Variants in SLIT1 observed in about 807,000 individuals in gnomAD.
The protein encoded by SLIT1 is slit homolog 1 protein.
In SLIT1, 66 loss-of-function variants were observed where a neutral mutation model predicts 186.1. The ratio of observed to expected loss-of-function variants is 0.35; its 90% CI spans 0.29 to 0.44. The LOEUF (loss-of-function observed/expected upper bound fraction) is 0.44, where lower values mean the gene tolerates loss of function less well. Ranked by LOEUF, SLIT1 falls within the 20% of genes least tolerant of loss-of-function variation. The pLI is 1.00. For missense variants in SLIT1, 1,638 were observed against 2,037.4 expected (o/e 0.80, Z 3.77); for synonymous variants, 761 against 833.8 (o/e 0.91, Z 1.50).
At chr10:97,066,966 C>T (rs1428117752) in intron 4 of SLIT1, among the ~76,000 whole-genome samples, 2 of 151,814 alleles carry the variant, frequency 1.3e-5, no homozygotes, top group Non-Finnish European at 1.5e-5. Flanking sequence ...GTGGTGGGTG[C>T]GCCTGGGGCT....
chr10:97,152,137 C>T (rs924506849), intron 4 of SLIT1, among the ~76,000 whole-genome samples: 1 of 152,192 alleles, frequency 6.6e-6, no homozygotes, highest in African/African-American at 2.4e-5. Flanking sequence ...GAAAGCATAT[C>T]TCCCACATCC....
chr10:97,028,938 C>T (rs1848568493), intron 25 of SLIT1, among the ~76,000 whole-genome samples: 1 of 152,198 alleles, frequency 6.6e-6, no homozygotes, highest in Non-Finnish European at 1.5e-5. Flanking sequence ...CCTTACCCCT[C>T]CCACTTCCAT....
At chr10:97,023,663 C>A (rs889063657) in intron 25 of SLIT1, among the ~76,000 whole-genome samples, 1 of 152,172 alleles carries the variant, frequency 6.6e-6, no homozygotes, top group Non-Finnish European at 1.5e-5. Flanking sequence ...AGAATTCCGG[C>A]CGGGTGAGGT....
Position 97,046,632 on chromosome 10 carries a change from C to T in SLIT1, c.1853+22G>A, listed in dbSNP as rs912963434. On this transcript the variant is annotated intron_variant, in intron 18 of 36. Transcript: ENST00000266058. ...TGCCTCCTGCAGCTGGCCCACCCTGCTCCCCAGCCCTGCACACTCACAGGG... is the reference window on the plus strand; with the variant it reads ...TGCCTCCTGCAGCTGGCCCACCCTGTTCCCCAGCCCTGCACACTCACAGGG... 6 of 1,581,818 alleles carry T rather than the reference C, an allele frequency of 3.8e-6. No individual in the cohort carries two copies. The South Asian group carries it at 5.7e-5, about 15-fold the overall frequency.
Position 97,066,000 on chromosome 10 carries a change from C to G in SLIT1, c.485+15G>C. ...GGAGCCCCCACACCCTTCTCCCTCCCAGGCCTGTACTCACAAATTTTTAAG... is the reference window on the plus strand; with the variant it reads ...GGAGCCCCCACACCCTTCTCCCTCCGAGGCCTGTACTCACAAATTTTTAAG... On this transcript the variant is annotated intron_variant, in intron 5 of 36. Transcript: ENST00000266058. 6.3e-7 allele frequency: 1 copy of G among 1,589,232 alleles called. No homozygotes were observed. The highest frequency in any genetic ancestry group is 2.2e-5 in the East Asian group (1 of 44,566).
At position 97,068,691 on chromosome 10, in the gene SLIT1, C is replaced by T. The variant is rs556766190; in HGVS notation, c.414-2605G>A. 4.6e-5 allele frequency among the ~76,000 whole-genome samples: 7 copies of T among 152,302 alleles called. No individual in the cohort carries two copies. In the East Asian group the frequency reaches 5.8e-4, roughly 13 times the overall value. ...GAAGCTTCCTCCTCCCGCACTCGCCCGGCCCCACCTTCCCTTCCTGCTCTC... is the reference window on the plus strand; with the variant it reads ...GAAGCTTCCTCCTCCCGCACTCGCCTGGCCCCACCTTCCCTTCCTGCTCTC... On this transcript the variant is annotated intron_variant, in intron 4 of 36. Transcript: ENST00000266058. The surrounding 1 kb of genome is among the most constrained non-coding windows in gnomAD (Gnocchi z 4.2).
intron 4 of SLIT1, among the ~76,000 whole-genome samples, chr10:97,111,599 G>A (rs1849465330): frequency 6.6e-6 from 1 of 152,162 alleles, no homozygotes; most frequent in African/African-American, 2.4e-5. Flanking sequence ...GACATAAATG[G>A]TGAATGAACC....
At chr10:97,086,860 T>C (rs917375229) in intron 4 of SLIT1, among the ~76,000 whole-genome samples, 1 of 152,138 alleles carries the variant, frequency 6.6e-6, no homozygotes, top group Admixed American at 6.5e-5. Context: ...TCCAGACCCA[T>C]AGAGTCTGCA....
In SLIT1 at chr10:97,185,470, A is replaced by T. The variant is rs1330103031; in HGVS notation, c.197+8T>A. On this transcript the variant is annotated splice_region_variant and intron_variant, in intron 1 of 36. Transcript: ENST00000266058. ...AGCCAGGGAGCCAGGGGCGGGGACC[A>T]TACTCACAGGCGCTCGGTGTTCCGA... The T allele has an allele frequency of 6.2e-7, 1 of 1,610,502 alleles. No individual in the cohort carries two copies. The highest frequency in any genetic ancestry group is 1.3e-5 in the African/African-American group (1 of 74,904).
chr10:97,073,356 A>G (rs1395218141), intron 4 of SLIT1, among the ~76,000 whole-genome samples: 1 of 152,102 alleles, frequency 6.6e-6, no homozygotes, highest in Non-Finnish European at 1.5e-5. Context: ...AAGTGAGGAG[A>G]TGGCCAGGAT....
chr10:97,087,020 A>G (rs1298925093), intron 4 of SLIT1, among the ~76,000 whole-genome samples: 1 of 151,856 alleles, frequency 6.6e-6, no homozygotes, highest in African/African-American at 2.4e-5. Flanking sequence ...GATGGGGTAA[A>G]TTGGGAATCT....
At chr10:97,023,446 T>A (rs1327622522) in intron 25 of SLIT1, among the ~76,000 whole-genome samples, 2 of 152,052 alleles carry the variant, frequency 1.3e-5, no homozygotes, top group African/African-American at 2.4e-5. Flanking sequence ...ACGTGTAATA[T>A]GCTAATAGCC....
chr10:97,017,324 G>A (rs1006089253), intron 28 of SLIT1, among the ~76,000 whole-genome samples: 4 of 152,250 alleles, frequency 2.6e-5, no homozygotes, highest in South Asian at 2.1e-4. Context: ...GGTAATTTGG[G>A]TATGCAGAGG....
intron 4 of SLIT1, among the ~76,000 whole-genome samples, chr10:97,122,728 GC>G (rs1849571001): frequency 6.6e-6 from 1 of 152,114 alleles, no homozygotes; most frequent in Non-Finnish European, 1.5e-5. Flanking sequence ...ACAAATGTTT[GC>G]CAAATGCCAG....
chr10:97,025,827 CT>C (rs1341869397), intron 25 of SLIT1, among the ~76,000 whole-genome samples: 2 of 152,202 alleles, frequency 1.3e-5, no homozygotes, highest in African/African-American at 4.8e-5. Flanking sequence ...ATAGCGCCCC[CT>C]GGCTGTCTTA....
chr10:97,085,109 G>A (rs910048527), intron 4 of SLIT1, among the ~76,000 whole-genome samples: 6 of 151,724 alleles, frequency 4.0e-5, no homozygotes, highest in African/African-American at 1.5e-4. Flanking sequence ...ATTTTTAGTA[G>A]AGACAGGTTT....
intron 4 of SLIT1, among the ~76,000 whole-genome samples, chr10:97,129,822 C>A (rs1849636802): frequency 6.6e-6 from 1 of 152,162 alleles, no homozygotes; most frequent in African/African-American, 2.4e-5. Flanking sequence ...CCCTGTTCCC[C>A]CAACCCCACC....
intron 4 of SLIT1, among the ~76,000 whole-genome samples, chr10:97,146,987 A>G (rs893809989): frequency 3.3e-5 from 5 of 152,226 alleles, no homozygotes; most frequent in Admixed American, 6.5e-5. Flanking sequence ...CAGAGGCTCA[A>G]GCAACTGCTA....
At chr10:97,140,382 C>T (rs1213848922) in intron 4 of SLIT1, among the ~76,000 whole-genome samples, 1 of 152,128 alleles carries the variant, frequency 6.6e-6, no homozygotes, top group Non-Finnish European at 1.5e-5. Flanking sequence ...TGAAATATTT[C>T]CTCCCTCTCT....
Sources: gnomAD v4.1 joint callset for allele counts (sites outside exome capture counted in the v4.1 genomes callset) on GRCh38, gnomAD v4.1.1 for gene constraint, Gnocchi (gnomAD v3.1) non-coding constraint, MANE v1.5 for transcripts, NCBI Gene and HGNC (gene_info 2026-07-23, HGNC 2026-07-21) for gene names.